BICC1: variants seen among roughly 807,000 people sequenced by gnomAD.
BICC1 encodes protein bicaudal C homolog 1.
In BICC1, 43 loss-of-function variants were observed where a neutral mutation model predicts 111.0. That is an observed-to-expected ratio of 0.39 (90% confidence interval 0.30 to 0.50). The LOEUF is 0.50. Ranked by LOEUF, BICC1 falls within the 20% of genes least tolerant of loss-of-function variation. The pLI is 0.88. For synonymous variants in BICC1, 467 were observed against 434.4 expected, an observed-to-expected ratio of 1.07 and a Z score of -0.93; for missense variants, 1,091 against 1,203.2, an observed-to-expected ratio of 0.91 and a Z score of 1.38.
chr10:58,594,875 A>G (rs113700754), intron 1 of BICC1, among the ~76,000 whole-genome samples: 1 of 152,318 alleles, frequency 6.6e-6, no homozygotes, highest in African/African-American at 2.4e-5. Context: ...ACACATAACA[A>G]TATTAACCTA....
chr10:58,795,001 G>C (rs1389406912), intron 9 of BICC1, among the ~76,000 whole-genome samples: 1 of 152,052 alleles, frequency 6.6e-6, no homozygotes, highest in Non-Finnish European at 1.5e-5. Context: ...ATATATGTCT[G>C]TACATTTTTA....
intron 1 of BICC1, among the ~76,000 whole-genome samples, chr10:58,575,185 C>T (rs1035378820): frequency 2.6e-5 from 4 of 151,914 alleles, no homozygotes; most frequent in African/African-American, 9.7e-5. Context: ...CTCCTGTTGT[C>T]CCCCACTCCC....
intron 3 of BICC1, among the ~76,000 whole-genome samples, chr10:58,730,845 A>G (rs1301905512): frequency 6.6e-6 from 1 of 152,072 alleles, no homozygotes; most frequent in Non-Finnish European, 1.5e-5. Context: ...GCGGGGTTGC[A>G]GGGCCCTTGG....
At chr10:58,801,391 C>A (rs751839988) in intron 14 of BICC1, among the ~76,000 whole-genome samples, 1 of 152,096 alleles carries the variant, frequency 6.6e-6, no homozygotes, top group Non-Finnish European at 1.5e-5. Flanking sequence ...ACTGTGAATT[C>A]TCCTTCATTT....
intron 2 of BICC1, among the ~76,000 whole-genome samples, chr10:58,633,682 T>A: frequency 6.6e-6 from 1 of 152,232 alleles, no homozygotes; most frequent in East Asian, 1.9e-4. Context: ...GGAAAACAGT[T>A]GGAAGTTTCG....
chr10:58,650,499 C>T (rs1408301855), intron 2 of BICC1: 1 of 152,202 alleles, frequency 6.6e-6, no homozygotes, highest in African/African-American at 2.4e-5. Flanking sequence ...GTTGTATCAG[C>T]CTTCAACTGT....
chr10:58,635,318 T>A (rs1423816516), intron 2 of BICC1, among the ~76,000 whole-genome samples: 1 of 152,262 alleles, frequency 6.6e-6, no homozygotes, highest in Non-Finnish European at 1.5e-5. Context: ...ATGCATTTGT[T>A]ACAGAAATAT....
intron 3 of BICC1, among the ~76,000 whole-genome samples, chr10:58,781,075 A>ATTACCATCTGGT (rs1194890475): frequency 1.3e-5 from 2 of 152,202 alleles, no homozygotes; most frequent in African/African-American, 4.8e-5. Flanking sequence ...AGAAGGTTGG[A>ATTACCATCTGGT]TTACCATCTG....
chr10:58,664,979 C>T (rs61874070), intron 2 of BICC1, among the ~76,000 whole-genome samples: 13,549 of 152,060 alleles, frequency 0.089, 766 homozygotes, highest in South Asian at 0.13. Flanking sequence ...ATATGAGTCC[C>T]GGAGTGTGGT....
intron 2 of BICC1, among the ~76,000 whole-genome samples, chr10:58,676,775 C>T (rs550775488): frequency 1.0e-3 from 154 of 152,152 alleles, no homozygotes; most frequent in Non-Finnish European, 1.7e-3. Context: ...CTACAGGGGT[C>T]GACAGAAAAC....
At chr10:58,622,685 C>A (rs1845858324) in intron 2 of BICC1, among the ~76,000 whole-genome samples, 1 of 152,188 alleles carries the variant, frequency 6.6e-6, no homozygotes, top group Non-Finnish European at 1.5e-5. Flanking sequence ...AAATCTCTAA[C>A]TTAGAAACAG....
intron 3 of BICC1, among the ~76,000 whole-genome samples, chr10:58,770,834 G>A (rs1417698906): frequency 6.6e-6 from 1 of 152,082 alleles, no homozygotes; most frequent in African/African-American, 2.4e-5. Flanking sequence ...TTTGACAGAG[G>A]GATTCGGAGA....
chr10:58,739,832 T>C lies in BICC1; in HGVS notation c.307+37689T>C, dbSNP rs375955347. Reference sequence around the variant, plus strand: ...ATCACTTATCAGTTTGGGAAATTAGTATATAAATCTTAGATGAATGGCTTA... The same window carrying C: ...ATCACTTATCAGTTTGGGAAATTAGCATATAAATCTTAGATGAATGGCTTA... On this transcript the variant is annotated intron_variant, in intron 3 of 20. Transcript: ENST00000373886. Among the ~76,000 whole-genome samples the C allele has an allele frequency of 1.5e-3, 234 of 152,298 alleles. 1 individual carries two copies. Among genetic ancestry groups the C allele is most frequent in the Non-Finnish European group, 2.6e-3 (174 of 68,028 alleles).
intron 1 of BICC1, among the ~76,000 whole-genome samples, chr10:58,596,637 T>G (rs982718843): frequency 6.6e-6 from 1 of 152,226 alleles, no homozygotes; most frequent in Non-Finnish European, 1.5e-5. Flanking sequence ...GCAGATGACA[T>G]GATTGTGTAT....
intron 2 of BICC1, among the ~76,000 whole-genome samples, chr10:58,678,418 T>G (rs1451573245): frequency 1.3e-5 from 2 of 152,072 alleles, no homozygotes; most frequent in African/African-American, 4.8e-5. Flanking sequence ...TAAAACAGAC[T>G]TTAAACCAAC....
chr10:58,684,373 G>A (rs569156607), intron 2 of BICC1, among the ~76,000 whole-genome samples: 117 of 152,288 alleles, frequency 7.7e-4, no homozygotes, highest in Middle Eastern at 6.8e-3. Flanking sequence ...TTGGTATCAG[G>A]ATGATGCTGG....
At chr10:58,750,579 T>TG (rs1402823266) in intron 3 of BICC1, among the ~76,000 whole-genome samples, 1 of 152,144 alleles carries the variant, frequency 6.6e-6, no homozygotes, top group Non-Finnish European at 1.5e-5. Context: ...CACTAGCTAT[T>TG]GCAGCTATCA....
chr10:58,752,536 G>C (rs1344006429), intron 3 of BICC1, among the ~76,000 whole-genome samples: 1 of 152,082 alleles, frequency 6.6e-6, no homozygotes, highest in Admixed American at 6.6e-5. Flanking sequence ...TTTTCTTTTA[G>C]CATCTTTATC....
chr10:58,740,730 G>T (rs749347592), intron 3 of BICC1, among the ~76,000 whole-genome samples: 3 of 152,188 alleles, frequency 2.0e-5, no homozygotes, highest in Non-Finnish European at 4.4e-5. Context: ...CACATGAGGA[G>T]TGACTAACTC....
Sources: allele counts gnomAD v4.1 joint callset (sites outside exome capture counted in the v4.1 genomes callset), GRCh38; gene constraint gnomAD v4.1.1; transcripts MANE v1.5; gene names NCBI Gene and HGNC (gene_info 2026-07-23, HGNC 2026-07-21).